Variants in CADM2 observed in about 807,000 individuals in gnomAD.
CADM2 encodes immunoglobulin superfamily member 4D.
Under a neutral mutation model 49.8 loss-of-function variants are expected in CADM2, and 12 were observed. That is an observed-to-expected ratio of 0.24 (90% confidence interval 0.15 to 0.39). The LOEUF (loss-of-function observed/expected upper bound fraction) is 0.39. Among genes scored for constraint, CADM2 ranks in the 10% least tolerant of loss-of-function variants. The probability of loss-of-function intolerance (pLI) is 1.00; values close to 1 mark genes in which losing one functional copy is unlikely to be tolerated. For synonymous variants in CADM2, 214 were observed against 175.4 expected, an observed-to-expected ratio of 1.22 and a Z score of -1.74; for missense variants, 378 against 492.3, an observed-to-expected ratio of 0.77 and a Z score of 2.20.
rs572360028 is a variant in CADM2 at position 85,508,113 on chromosome 3, G to A, written c.62-218409G>A. 2.0e-5 allele frequency among the ~76,000 whole-genome samples: 3 copies of A among 152,252 alleles called. No individual in the cohort carries two copies. In the South Asian group the frequency reaches 6.2e-4, roughly 32 times the overall value. On this transcript the variant is annotated intron_variant, in intron 1 of 9. Coordinates refer to ENST00000383699, the MANE Select transcript of CADM2 (RefSeq NM_001167675.2). ...AGATCAGGAAAGAAAGTACAAAGAGGTGAAATCTTGGACTTGCCTTCATGG... is the reference window on the plus strand; with the variant it reads ...AGATCAGGAAAGAAAGTACAAAGAGATGAAATCTTGGACTTGCCTTCATGG...
intron 2 of CADM2, among the ~76,000 whole-genome samples, chr3:85,754,261 T>C (rs909509743): frequency 2.0e-5 from 3 of 152,158 alleles, no homozygotes; most frequent in Non-Finnish European, 4.4e-5. Flanking sequence ...GGTGTTTCTA[T>C]CTATTGGGAG....
chr3:85,976,780 G>C (rs1456168255), intron 8 of CADM2, among the ~76,000 whole-genome samples: 2 of 151,466 alleles, frequency 1.3e-5, no homozygotes, highest in Admixed American at 1.3e-4. Context: ...GGATAAGGGA[G>C]AATGCTGAAC....
At chr3:85,528,207 G>C (rs2061215145) in intron 1 of CADM2, among the ~76,000 whole-genome samples, 1 of 152,080 alleles carries the variant, frequency 6.6e-6, no homozygotes, top group Non-Finnish European at 1.5e-5. Flanking sequence ...CATTATCACA[G>C]ACATCCTAAG....
chr3:85,548,588 C>G (rs1041121581), intron 1 of CADM2, among the ~76,000 whole-genome samples: 3 of 152,088 alleles, frequency 2.0e-5, no homozygotes, highest in Admixed American at 1.3e-4. Context: ...TCCTGGCTGT[C>G]TGGAATGTGT....
At chr3:85,137,320 T>C (rs2039443121) in intron 1 of CADM2, among the ~76,000 whole-genome samples, 1 of 152,018 alleles carries the variant, frequency 6.6e-6, no homozygotes, top group African/African-American at 2.4e-5. Flanking sequence ...CCAGGACTTT[T>C]ACTTTTATTG....
intron 1 of CADM2, among the ~76,000 whole-genome samples, chr3:85,439,886 C>T (rs1291490121): frequency 6.6e-6 from 1 of 152,086 alleles, no homozygotes; most frequent in African/African-American, 2.4e-5. Flanking sequence ...CATCTTCCTA[C>T]CTGTATAATG....
At chr3:84,974,572 T>G (rs2031687920) in intron 1 of CADM2, among the ~76,000 whole-genome samples, 1 of 152,028 alleles carries the variant, frequency 6.6e-6, no homozygotes, top group Non-Finnish European at 1.5e-5. Flanking sequence ...TCTTTGTGTC[T>G]TAGTGACTTC....
At chr3:85,512,728 A>G (rs2060799972) in intron 1 of CADM2, among the ~76,000 whole-genome samples, 3 of 152,048 alleles carry the variant, frequency 2.0e-5, no homozygotes, top group African/African-American at 7.2e-5. Flanking sequence ...TCATATACAC[A>G]TTGATTTTAA....
intron 1 of CADM2, among the ~76,000 whole-genome samples, chr3:85,707,246 G>T (rs1219580082): frequency 2.0e-5 from 3 of 151,922 alleles, no homozygotes; most frequent in Non-Finnish European, 2.9e-5. Flanking sequence ...TTATGAATTT[G>T]TGGAATTGCT....
chr3:86,025,575 G>A (rs935547797), intron 8 of CADM2, among the ~76,000 whole-genome samples: 2 of 151,978 alleles, frequency 1.3e-5, no homozygotes, highest in African/African-American at 4.8e-5. Flanking sequence ...GTGAAGTTAA[G>A]ATAAAATAAA....
chr3:85,401,518 G>A (rs2035108410), intron 1 of CADM2, among the ~76,000 whole-genome samples: 2 of 152,100 alleles, frequency 1.3e-5, no homozygotes, highest in Admixed American at 1.3e-4. Context: ...AGGAGCAGGG[G>A]TCACTGTGTC....
chr3:85,976,225 T>C (rs1005965007), intron 8 of CADM2, among the ~76,000 whole-genome samples: 1 of 151,570 alleles, frequency 6.6e-6, no homozygotes, highest in Non-Finnish European at 1.5e-5. Flanking sequence ...CCATATTTGA[T>C]GGAGTCTTCT....
chr3:85,117,974 T>G (rs1427034325), intron 1 of CADM2, among the ~76,000 whole-genome samples: 2 of 152,186 alleles, frequency 1.3e-5, no homozygotes, highest in Non-Finnish European at 2.9e-5. Flanking sequence ...TTGTTTCCCA[T>G]GCGTCCTACA....
chr3:85,961,005 C>A (rs1559768239), intron 7 of CADM2, among the ~76,000 whole-genome samples: 1 of 139,228 alleles, frequency 7.2e-6, no homozygotes, highest in Non-Finnish European at 1.5e-5. Flanking sequence ...ATTTAGTATT[C>A]ATTATTATTA....
chr3:85,214,694 C>A (rs943323803), intron 1 of CADM2, among the ~76,000 whole-genome samples: 1 of 152,014 alleles, frequency 6.6e-6, no homozygotes, highest in Non-Finnish European at 1.5e-5. Context: ...ACTCTTCCCT[C>A]ACCTTTCCTC....
intron 8 of CADM2, among the ~76,000 whole-genome samples, chr3:86,049,737 A>C (rs1688397652): frequency 6.6e-6 from 1 of 152,232 alleles, no homozygotes; most frequent in Admixed American, 6.5e-5. Context: ...GGTGCTACAC[A>C]CTTTTAAACA....
At chr3:85,326,247 C>G (rs2044746854) in intron 1 of CADM2, among the ~76,000 whole-genome samples, 1 of 151,800 alleles carries the variant, frequency 6.6e-6, no homozygotes, top group Non-Finnish European at 1.5e-5. Flanking sequence ...GATTCTACAG[C>G]CTGTATTGTT....
intron 1 of CADM2, among the ~76,000 whole-genome samples, chr3:85,479,097 T>C (rs2039101922): frequency 6.6e-6 from 1 of 151,710 alleles, no homozygotes; most frequent in Non-Finnish European, 1.5e-5. Context: ...GCATGCAACA[T>C]CATGCCTGGC....
intron 1 of CADM2, among the ~76,000 whole-genome samples, chr3:85,557,531 AATTT>A (rs1576798095): frequency 6.6e-6 from 1 of 151,686 alleles, no homozygotes; most frequent in Admixed American, 6.6e-5. Context: ...TGTAAAGTAA[AATTT>A]ATTTAATAAT....
Sources: allele counts gnomAD v4.1 joint callset (sites outside exome capture counted in the v4.1 genomes callset), GRCh38; gene constraint gnomAD v4.1.1; transcripts MANE v1.5; gene names NCBI Gene and HGNC (gene_info 2026-07-23, HGNC 2026-07-21).